The following ITGA11 variants were observed in gnomAD, a reference collection of about 807,000 sequenced individuals.
ITGA11 encodes integrin subunit alpha 11.
A neutral mutation model predicts 141.9 loss-of-function variants in ITGA11; 97 were observed. That is an observed-to-expected ratio of 0.68 (90% CI 0.58 to 0.81). The LOEUF is 0.81. Ranked by LOEUF, ITGA11 falls within the 30% of genes least tolerant of loss-of-function variation. The probability of loss-of-function intolerance (pLI) is 0.00; values close to 1 mark genes in which losing one functional copy is unlikely to be tolerated. For missense variants in ITGA11, 1,387 were observed against 1,559.2 expected (o/e 0.89, Z 1.86); for synonymous variants, 658 against 624.6 (o/e 1.05, Z -0.80).
intron 2 of ITGA11, among the ~76,000 whole-genome samples, chr15:68,381,604 G>A (rs1895863118): frequency 1.3e-5 from 2 of 151,428 alleles, no homozygotes; most frequent in Non-Finnish European, 2.9e-5. Context: ...TGCCCAGGCT[G>A]AAGTGCAGTG....
intron 24 of ITGA11, 28 bp downstream of exon 24, chr15:68,312,745 C>A (rs1893431503): frequency 6.4e-7 from 1 of 1,551,366 alleles, no homozygotes; most frequent in South Asian, 1.1e-5. Context: ...CGTCCTTCCC[C>A]CTCTACCCGG....
chr15:68,303,805 T>G lies in ITGA11; in HGVS notation c.3462A>C (p.Leu1154=), dbSNP rs894969973. The G allele has an allele frequency of 1.9e-6, 3 of 1,612,296 alleles. No individual in the cohort carries two copies. Among genetic ancestry groups the G allele is most frequent in the Non-Finnish European group, 2.5e-6 (3 of 1,178,986 alleles). The part of the protein sequence containing the change: ...IIVGSTLGGL[L]LLALLVLALW... Reference sequence around the variant, plus strand: ...GTGCCAGGACCAGCAGGGCCAGCAGTAGGAGGCCCCCCAGGGTGCTGCCTA... The same window carrying G: ...GTGCCAGGACCAGCAGGGCCAGCAGGAGGAGGCCCCCCAGGGTGCTGCCTA... The change falls in exon 29 of 30, where the codon CTA becomes CTC. Residue 1154 remains leucine (L), a synonymous_variant. Transcript: ENST00000315757. The surrounding 1 kb of genome is among the most constrained non-coding windows in gnomAD (Gnocchi z 5.3).
chr15:68,332,203 C>G, intron 13 of ITGA11, 135 bp downstream of exon 13: 6 of 1,267,838 alleles, frequency 4.7e-6, no homozygotes, highest in South Asian at 2.9e-5. Context: ...AACCCAGCCA[C>G]AGAGGAGGCT....
chr15:68,370,096 C>CA (rs1479299535), intron 2 of ITGA11, among the ~76,000 whole-genome samples: 2 of 152,150 alleles, frequency 1.3e-5, no homozygotes, highest in Non-Finnish European at 2.9e-5. Context: ...GATTCTCCCC[C>CA]AGAGCCTGCG....
At chr15:68,413,676 G>A (rs145793030) in intron 1 of ITGA11, among the ~76,000 whole-genome samples, 17 of 152,170 alleles carry the variant, frequency 1.1e-4, no homozygotes, top group African/African-American at 3.9e-4. Context: ...TTGTAACATC[G>A]AAGACCCACC....
In ITGA11 at chr15:68,321,437, T is replaced by A; in HGVS notation, c.2389A>T (p.Ser797Cys). The A allele has an allele frequency of 6.3e-7, 1 of 1,590,586 alleles. No individual in the cohort carries two copies. The highest frequency in any genetic ancestry group is 1.1e-5 in the South Asian group (1 of 88,208). Residue 797 changes from serine (S) to cysteine (C), a missense_variant, in exon 19 of 30, where the codon AGT becomes TGT. Physicochemically the swap from Ser to Cys is moderately radical, Grantham distance 112 (BLOSUM62 -1). Coordinates refer to ENST00000315757, the MANE Select transcript of ITGA11 (RefSeq NM_001004439.2). The surrounding 1 kb of genome is among the most constrained non-coding windows in gnomAD (Gnocchi z 4.9). The part of the protein sequence containing the change: ...CVPDLVLDAR[S>C]DLPTAMEYCQ... ...ACTCACATGGCCGTGGGCAGGTCAC[T>A]CCGGGCATCCAACACAAGGTCAGGG...
chr15:68,333,506 C>T lies in ITGA11; in HGVS notation c.1426-1028G>A, dbSNP rs1458071062. Among the ~76,000 whole-genome samples the T allele has an allele frequency of 6.6e-6, 1 of 152,206 alleles. No homozygotes were observed. Among genetic ancestry groups the T allele is most frequent in the Non-Finnish European group, 1.5e-5 (1 of 68,028 alleles). On this transcript the variant is annotated intron_variant, in intron 12 of 29. Coordinates refer to ENST00000315757, the MANE Select transcript of ITGA11 (RefSeq NM_001004439.2). The surrounding 1 kb of genome is among the most constrained non-coding windows in gnomAD (Gnocchi z 4.2). Reference sequence around the variant, plus strand: ...TTCCCCTTCTGTTTGGGGTACAGTGCTCCCCACTTCAGTGAGGGCAACATC... The same window carrying T: ...TTCCCCTTCTGTTTGGGGTACAGTGTTCCCCACTTCAGTGAGGGCAACATC...
At chr15:68,366,880 C>T (rs576487406) in intron 3 of ITGA11, among the ~76,000 whole-genome samples, 3 of 152,274 alleles carry the variant, frequency 2.0e-5, no homozygotes, top group Admixed American at 2.0e-4. Context: ...GTCTTTCCCA[C>T]AGAGGTGTGA....
chr15:68,424,994 C>G (rs1211091353), intron 1 of ITGA11, among the ~76,000 whole-genome samples: 1 of 152,254 alleles, frequency 6.6e-6, no homozygotes, highest in Non-Finnish European at 1.5e-5. Context: ...GCCCTGCAGT[C>G]TGTGGGATCT....
intron 2 of ITGA11, among the ~76,000 whole-genome samples, chr15:68,386,550 G>A (rs967270849): frequency 6.6e-6 from 1 of 152,098 alleles, no homozygotes; most frequent in Non-Finnish European, 1.5e-5. Flanking sequence ...TGAGAGTGAG[G>A]CTTAAAATGC....
chr15:68,371,063 A>G (rs1360203777), intron 2 of ITGA11, among the ~76,000 whole-genome samples: 1 of 152,202 alleles, frequency 6.6e-6, no homozygotes, highest in Admixed American at 6.5e-5. Context: ...CAGATTCTAT[A>G]TATATCCCCT....
intron 10 of ITGA11, among the ~76,000 whole-genome samples, chr15:68,344,513 C>T (rs1894680395): frequency 6.6e-6 from 1 of 152,130 alleles, no homozygotes; most frequent in South Asian, 2.1e-4. Flanking sequence ...GGGATGGGCA[C>T]AGGCTGAAGA....
At chr15:68,351,200 A>T in intron 8 of ITGA11, 58 bp downstream of exon 8, 5 of 1,593,626 alleles carry the variant, frequency 3.1e-6, no homozygotes, top group Non-Finnish European at 4.3e-6. Context: ...GTCCCCAGGG[A>T]TTTGATGGTA....
At chr15:68,342,669 C>T (rs1398294118) in intron 10 of ITGA11, among the ~76,000 whole-genome samples, 2 of 152,222 alleles carry the variant, frequency 1.3e-5, no homozygotes, top group Non-Finnish European at 2.9e-5. Flanking sequence ...GGTTGGACCA[C>T]AGCCCCGGCA....
At chr15:68,383,400 T>C (rs1261857249) in intron 2 of ITGA11, among the ~76,000 whole-genome samples, 1 of 152,238 alleles carries the variant, frequency 6.6e-6, no homozygotes, top group Non-Finnish European at 1.5e-5. Flanking sequence ...TGATTAATTA[T>C]AGTTAAAATT....
Position 68,362,123 on chromosome 15 carries a change from T to C in ITGA11, c.358-419A>G, listed in dbSNP as rs1595877907. On this transcript the variant is annotated intron_variant, in intron 4 of 29. Transcript: ENST00000315757. ...TGAGAGGTCGCCTGAAGGGCCTTACTGGGCAAACTTCTAGGACTGGGTCCC... is the reference window on the plus strand; with the variant it reads ...TGAGAGGTCGCCTGAAGGGCCTTACCGGGCAAACTTCTAGGACTGGGTCCC... Among the ~76,000 whole-genome samples, 5 of 152,280 alleles carry C rather than the reference T, an allele frequency of 3.3e-5. No individual in the cohort carries two copies. The South Asian group carries it at 1.0e-3, about 32-fold the overall frequency.
At chr15:68,347,917 CACAT>C (rs1200019415) in intron 10 of ITGA11, among the ~76,000 whole-genome samples, 3 of 28,380 alleles carry the variant, frequency 1.1e-4, no homozygotes, top group East Asian at 9.8e-4. Context: ...AGGCAGAACA[CACAT>C]ACACACACAC....
chr15:68,395,205 A>G (rs1030499733), intron 2 of ITGA11, among the ~76,000 whole-genome samples: 1 of 152,202 alleles, frequency 6.6e-6, no homozygotes, highest in African/African-American at 2.4e-5. Context: ...GGTAGATAAA[A>G]CCTCAAAGAT....
intron 24 of ITGA11, among the ~76,000 whole-genome samples, 155 bp from the exon 25 acceptor site, chr15:68,311,558 T>C (rs1468262392): frequency 6.6e-6 from 1 of 152,094 alleles, no homozygotes; most frequent in Non-Finnish European, 1.5e-5. Context: ...CCATGGAAGC[T>C]CCTAAGCTCT....
Sources: gnomAD v4.1 joint callset for allele counts (sites outside exome capture counted in the v4.1 genomes callset) on GRCh38, gnomAD v4.1.1 for gene constraint, Gnocchi (gnomAD v3.1) non-coding constraint, MANE v1.5 for transcripts, NCBI Gene and HGNC (gene_info 2026-07-23, HGNC 2026-07-21) for gene names.